ALOX5: variants seen among roughly 807,000 people sequenced by gnomAD.
ALOX5 encodes the protein polyunsaturated fatty acid 5-lipoxygenase.
A neutral mutation model predicts 87.9 loss-of-function variants in ALOX5; 64 were observed. The ratio of observed to expected loss-of-function variants is 0.73; its 90% CI spans 0.60 to 0.90. ALOX5 has a LOEUF of 0.90. Among genes scored for constraint, ALOX5 ranks in the 40% least tolerant of loss-of-function variants. ALOX5 has a pLI of 0.00. For synonymous variants in ALOX5, 388 were observed against 355.1 expected, an observed-to-expected ratio of 1.09 and a Z score of -1.04; for missense variants, 822 against 907.5, an observed-to-expected ratio of 0.91 and a Z score of 1.21.
At chr10:45,441,891 C>G (rs1842247034) in intron 9 of ALOX5, among the ~76,000 whole-genome samples, 1 of 152,118 alleles carries the variant, frequency 6.6e-6, no homozygotes, top group Non-Finnish European at 1.5e-5. Context: ...CCTGCCCAGC[C>G]CTCGCATCCC....
At chr10:45,399,414 T>C (rs1374602723) in intron 3 of ALOX5, among the ~76,000 whole-genome samples, 1 of 152,198 alleles carries the variant, frequency 6.6e-6, no homozygotes, top group Non-Finnish European at 1.5e-5. Flanking sequence ...CATCCTTGAA[T>C]TGAACACTTT....
intron 1 of ALOX5, among the ~76,000 whole-genome samples, chr10:45,377,892 C>T (rs1774681933): frequency 6.6e-6 from 1 of 152,220 alleles, no homozygotes; most frequent in South Asian, 2.1e-4. Flanking sequence ...TTTAAAACTA[C>T]ATATCCAATA....
At chr10:45,435,752 A>G (rs1273890228) in intron 7 of ALOX5, among the ~76,000 whole-genome samples, 1 of 152,210 alleles carries the variant, frequency 6.6e-6, no homozygotes, top group African/African-American at 2.4e-5. Flanking sequence ...ATGTGTGCCT[A>G]TGTCCTTTTG....
At chr10:45,384,186 C>T (rs1193092170) in intron 2 of ALOX5, among the ~76,000 whole-genome samples, 2 of 152,278 alleles carry the variant, frequency 1.3e-5, no homozygotes, top group East Asian at 3.9e-4. Context: ...GGAGGAGCTG[C>T]GGCCCTCAGT....
At chr10:45,435,265 T>G (rs1390179013) in intron 7 of ALOX5, among the ~76,000 whole-genome samples, 1 of 151,482 alleles carries the variant, frequency 6.6e-6, no homozygotes, top group African/African-American at 2.4e-5. Flanking sequence ...CAGAACAGTT[T>G]TTTTTTTTTT....
At chr10:45,380,776 T>TA (rs527655876) in intron 1 of ALOX5, among the ~76,000 whole-genome samples, 367 of 152,266 alleles carry the variant, frequency 2.4e-3, no homozygotes, top group African/African-American at 7.9e-3. Context: ...ACCCTGTCTC[T>TA]ACTGAAAATA....
chr10:45,384,975 T>C (rs1839963900), intron 2 of ALOX5, among the ~76,000 whole-genome samples: 1 of 152,066 alleles, frequency 6.6e-6, no homozygotes, highest in South Asian at 2.1e-4. Flanking sequence ...CCTAGGGAGC[T>C]TGGTTTACAG....
intron 7 of ALOX5, 31 bp from the exon 8 acceptor site, chr10:45,440,399 G>A (rs759623514): frequency 6.2e-7 from 1 of 1,601,092 alleles, no homozygotes; most frequent in South Asian, 1.1e-5. Context: ...GTGAAATATA[G>A]CAGTGTGTTT....
chr10:45,414,476 A>T (rs1841193465), intron 4 of ALOX5, among the ~76,000 whole-genome samples: 1 of 151,892 alleles, frequency 6.6e-6, no homozygotes, highest in African/African-American at 2.4e-5. Flanking sequence ...ACCTAAAACC[A>T]TAAAAACCCT....
chr10:45,443,190 G>T lies in ALOX5; in HGVS notation c.1425G>T (p.Gly475=). Residue 475 remains glycine (G), a synonymous_variant, in exon 10 of 14, where the codon GGG becomes GGT. Coordinates refer to ENST00000374391, the MANE Select transcript of ALOX5 (RefSeq NM_000698.5). The part of the protein sequence containing the change: ...DIPYYFYRDD[G]LLVWEAIRTF... ...CCTACTACTTCTACCGGGACGACGGGCTCCTGGTGTGGGAAGCCATCAGGA... is the reference window on the plus strand; with the variant it reads ...CCTACTACTTCTACCGGGACGACGGTCTCCTGGTGTGGGAAGCCATCAGGA... 6.2e-7 allele frequency: 1 copy of T among 1,613,648 alleles called. No individual in the cohort carries two copies. The highest frequency in any genetic ancestry group is 8.5e-7 in the Non-Finnish European group (1 of 1,179,948).
chr10:45,396,001 A>G, intron 3 of ALOX5, 65 bp downstream of exon 3: 1 of 1,531,258 alleles, frequency 6.5e-7, no homozygotes, highest in Non-Finnish European at 9.0e-7. Flanking sequence ...AGAGCATGGT[A>G]TGAAATAAAC....
intron 4 of ALOX5, among the ~76,000 whole-genome samples, chr10:45,416,058 C>T (rs1445844205): frequency 6.6e-6 from 1 of 152,192 alleles, no homozygotes; most frequent in Non-Finnish European, 1.5e-5. Context: ...TTTGAGTCTG[C>T]ACACCCAGCA....
At chr10:45,434,613 C>T (rs996390936) in intron 7 of ALOX5, among the ~76,000 whole-genome samples, 5 of 152,198 alleles carry the variant, frequency 3.3e-5, no homozygotes, top group Non-Finnish European at 7.3e-5. Flanking sequence ...ATACAAATAG[C>T]TCCTTCAAAC....
chr10:45,389,418 A>G (rs895119576), intron 2 of ALOX5, among the ~76,000 whole-genome samples: 26 of 152,224 alleles, frequency 1.7e-4, no homozygotes, highest in Admixed American at 8.5e-4. Flanking sequence ...GAAATGAAGG[A>G]AAAGATGTTA....
chr10:45,405,883 C>T (rs1302856157), intron 3 of ALOX5, among the ~76,000 whole-genome samples: 2 of 152,090 alleles, frequency 1.3e-5, no homozygotes, highest in African/African-American at 2.4e-5. Context: ...GGGCTACAGG[C>T]GTGCGCCACC....
intron 7 of ALOX5, among the ~76,000 whole-genome samples, chr10:45,436,501 A>C (rs1359027574): frequency 3.3e-5 from 5 of 152,210 alleles, no homozygotes; most frequent in African/African-American, 4.8e-5. Flanking sequence ...TATTTATTGA[A>C]TAGGATGTCC....
intron 4 of ALOX5, among the ~76,000 whole-genome samples, chr10:45,415,215 G>A (rs1205674128): frequency 1.3e-5 from 2 of 152,200 alleles, no homozygotes; most frequent in Non-Finnish European, 2.9e-5. Flanking sequence ...ACTGGATTAA[G>A]AAAATGTGGC....
chr10:45,431,250 T>C (rs1195237333), intron 7 of ALOX5, among the ~76,000 whole-genome samples: 2 of 152,156 alleles, frequency 1.3e-5, no homozygotes, highest in Non-Finnish European at 1.5e-5. Flanking sequence ...CCATTTCCAT[T>C]AAAATAATAA....
chr10:45,375,350 CT>C (rs1260999526), intron 1 of ALOX5, among the ~76,000 whole-genome samples: 1 of 152,204 alleles, frequency 6.6e-6, no homozygotes, highest in Non-Finnish European at 1.5e-5. Flanking sequence ...CTCACTGAGC[CT>C]TTAATGAAGT....
Sources: allele counts gnomAD v4.1 joint callset (sites outside exome capture counted in the v4.1 genomes callset), GRCh38; gene constraint gnomAD v4.1.1; transcripts MANE v1.5; gene names NCBI Gene and HGNC (gene_info 2026-07-23, HGNC 2026-07-21).